Variants in SLC1A3 observed in about 807,000 individuals in gnomAD.
The protein encoded by SLC1A3 is excitatory amino acid transporter 1.
SLC1A3 carries 21 observed loss-of-function variants against 48.1 expected under a neutral mutation model. That is an observed-to-expected ratio of 0.44 (90% CI 0.31 to 0.63). SLC1A3 has a LOEUF of 0.63. Ranked by LOEUF, SLC1A3 falls within the 20% of genes least tolerant of loss-of-function variation. The probability of loss-of-function intolerance (pLI) is 0.08; values close to 1 mark genes in which losing one functional copy is unlikely to be tolerated. For missense variants in SLC1A3, 546 were observed against 689.0 expected, an observed-to-expected ratio of 0.79 and a Z score of 2.32; for synonymous variants, 239 against 251.4, an observed-to-expected ratio of 0.95 and a Z score of 0.47.
intron 2 of SLC1A3, among the ~76,000 whole-genome samples, chr5:36,615,692 C>T (rs1301168304): frequency 1.3e-5 from 2 of 152,144 alleles, no homozygotes; most frequent in Admixed American, 1.3e-4. Flanking sequence ...TTGTGAAGAG[C>T]CTAACCTGTT....
At chr5:36,600,672 A>G (rs915071587) in intron 1 of SLC1A3, among the ~76,000 whole-genome samples, 19 of 152,134 alleles carry the variant, frequency 1.2e-4, no homozygotes, top group Non-Finnish European at 2.6e-4. Flanking sequence ...GGCAATGGGA[A>G]TTCCCTGCCT....
intron 2 of SLC1A3, chr5:36,609,032 C>G: frequency 1.0e-6 from 1 of 996,266 alleles, no homozygotes; most frequent in Non-Finnish European, 1.2e-6. Context: ...TAATTATATT[C>G]TAACTGGTGC....
At chr5:36,621,804 T>C (rs1477511357) in intron 2 of SLC1A3, among the ~76,000 whole-genome samples, 1 of 152,172 alleles carries the variant, frequency 6.6e-6, no homozygotes, top group African/African-American at 2.4e-5. Context: ...GCATGTTAGA[T>C]TGACCTCTAA....
At position 36,677,104 on chromosome 5, in the gene SLC1A3, G is replaced by A; in HGVS notation, c.780G>A (p.Met260Ile). The A allele has an allele frequency of 6.2e-7, 1 of 1,614,158 alleles. No homozygotes were observed. Among genetic ancestry groups the A allele is most frequent in the Non-Finnish European group, 8.5e-7 (1 of 1,179,990 alleles). The change falls in exon 6 of 10, where the codon ATG becomes ATA. Residue 260 changes from methionine to isoleucine, a missense_variant. This residue lies in a region of SLC1A3 where 348 missense variants were observed against 392.0 expected (regional missense o/e 0.89). Transcript: ENST00000265113. ...SMCFGFVIGN[M>I]KEQGQALREF... ...GCTTCGGTTTTGTGATTGGAAACAT[G>A]AAGGAACAGGGGCAGGCCCTGAGAG...
intron 3 of SLC1A3, among the ~76,000 whole-genome samples, chr5:36,662,657 A>G (rs759911080): frequency 2.0e-5 from 3 of 152,242 alleles, no homozygotes; most frequent in Non-Finnish European, 2.9e-5. Flanking sequence ...ATCACCTCGC[A>G]GCGGGGCTCG....
intron 3 of SLC1A3, among the ~76,000 whole-genome samples, chr5:36,652,488 A>T (rs1368801935): frequency 6.6e-6 from 1 of 152,210 alleles, no homozygotes; most frequent in Non-Finnish European, 1.5e-5. Flanking sequence ...GCAGCTGAGT[A>T]CAACAGCTTA....
At chr5:36,629,156 G>A (rs1030239) in intron 2 of SLC1A3, among the ~76,000 whole-genome samples, 25,482 of 151,832 alleles carry the variant, frequency 0.17, 2,901 homozygotes, top group African/African-American at 0.32. Flanking sequence ...ACTCTGTATT[G>A]AGCCAGGTCA....
chr5:36,622,670 G>A (rs563027005), intron 2 of SLC1A3, among the ~76,000 whole-genome samples: 2 of 152,222 alleles, frequency 1.3e-5, no homozygotes, highest in South Asian at 2.1e-4. Context: ...CAGTGTGCAC[G>A]TTGTGTCTTA....
chr5:36,648,373 C>T (rs576543446), intron 3 of SLC1A3, among the ~76,000 whole-genome samples: 4 of 152,294 alleles, frequency 2.6e-5, no homozygotes, highest in Non-Finnish European at 4.4e-5. Flanking sequence ...ATTTGGAATA[C>T]GGTTCTTAAG....
chr5:36,664,067 C>T (rs1274440365), intron 3 of SLC1A3, among the ~76,000 whole-genome samples: 3 of 152,168 alleles, frequency 2.0e-5, no homozygotes, highest in African/African-American at 7.2e-5. Context: ...GTGGACAGCC[C>T]AAGATCATAG....
At chr5:36,641,006 C>T (rs1446583172) in intron 3 of SLC1A3, among the ~76,000 whole-genome samples, 2 of 152,000 alleles carry the variant, frequency 1.3e-5, no homozygotes, top group Non-Finnish European at 2.9e-5. Flanking sequence ...CACACACACA[C>T]ATACACACAC....
chr5:36,618,157 C>T (rs550316627), intron 2 of SLC1A3, among the ~76,000 whole-genome samples: 2 of 152,292 alleles, frequency 1.3e-5, no homozygotes, highest in Admixed American at 6.5e-5. Context: ...GCAGGTATCT[C>T]CCTGCTTCTA....
intron 3 of SLC1A3, chr5:36,629,914 C>G (rs1450987844): frequency 5.4e-6 from 2 of 370,610 alleles, no homozygotes; most frequent in Non-Finnish European, 5.1e-6. Context: ...TACAACAGGT[C>G]TGTTTTCTCA....
chr5:36,636,395 C>A (rs1348184309), intron 3 of SLC1A3: 3 of 152,182 alleles, frequency 2.0e-5, no homozygotes, highest in Non-Finnish European at 4.4e-5. Context: ...AGTATTCGGG[C>A]TTCCTTGCTG....
intron 2 of SLC1A3, among the ~76,000 whole-genome samples, chr5:36,612,247 T>C (rs2111675720): frequency 6.6e-6 from 1 of 152,276 alleles, no homozygotes; most frequent in Non-Finnish European, 1.5e-5. Flanking sequence ...TTTATATGGA[T>C]TTGAAAGAAA....
Position 36,686,667 on chromosome 5 carries a change from G to T in SLC1A3, c.*398G>T. 1 of 267,140 alleles carries T rather than the reference G, an allele frequency of 3.7e-6. No individual in the cohort carries two copies. The highest frequency in any genetic ancestry group is 7.3e-6 in the Non-Finnish European group (1 of 136,674). 16.5% of individuals were successfully genotyped at this position (267,140 alleles called of 1,614,324 possible). A position where few individuals can be genotyped will look rare whatever the true frequency, so the allele number is the denominator to read the frequency against. On this transcript the variant is annotated 3_prime_UTR_variant, in exon 10 of 10. Coordinates refer to ENST00000265113, the MANE Select transcript of SLC1A3 (RefSeq NM_004172.5). ...TAAAAATCTTTCAGAATACAATTCA[G>T]TTTTAGTTTCAAAATGTTAACAACT...
intron 2 of SLC1A3, among the ~76,000 whole-genome samples, chr5:36,622,805 A>G (rs1389073073): frequency 6.6e-6 from 1 of 151,996 alleles, no homozygotes; most frequent in Non-Finnish European, 1.5e-5. Context: ...AGGTCAGGAG[A>G]TCGAGACCAT....
chr5:36,638,360 C>G (rs1465752208), intron 3 of SLC1A3, among the ~76,000 whole-genome samples: 1 of 152,182 alleles, frequency 6.6e-6, no homozygotes. Flanking sequence ...TGGCAGAAAC[C>G]CTGTCCCTCT....
In SLC1A3 at chr5:36,608,159, G is replaced by A. The variant is rs766555986; in HGVS notation, c.-95-170G>A. ...CCGAATTTATGCACATTTCTCACAC[G>A]TGGTCCACTAAAATATGCACACTGC... On this transcript the variant is annotated intron_variant, in intron 1 of 9. Transcript: ENST00000265113. 5.8e-5 allele frequency: 25 copies of A among 433,168 alleles called. 1 individual carries two copies. Among genetic ancestry groups the A allele is most frequent in the Middle Eastern group, 1.2e-3 (2 of 1,642 alleles). 26.8% of individuals were successfully genotyped at this position (433,168 alleles called of 1,614,324 possible).
Sources: gnomAD v4.1 joint callset for allele counts (sites outside exome capture counted in the v4.1 genomes callset) on GRCh38, gnomAD v4.1.1 for gene constraint, gnomAD v4.1.1 regional missense constraint, MANE v1.5 for transcripts, NCBI Gene and HGNC (gene_info 2026-07-23, HGNC 2026-07-21) for gene names.